Variants in ZMYND8 observed in about 807,000 individuals in gnomAD.
ZMYND8 encodes the protein zinc finger MYND-type containing 8.
In ZMYND8, 37 loss-of-function variants were observed where a neutral mutation model predicts 140.8. That is an observed-to-expected ratio of 0.26 (90% CI 0.20 to 0.35). The LOEUF (loss-of-function observed/expected upper bound fraction) is 0.35, where lower values mean the gene tolerates loss of function less well. Among genes scored for constraint, ZMYND8 ranks in the 10% least tolerant of loss-of-function variants. The pLI is 1.00. For missense variants in ZMYND8, 1,068 were observed against 1,570.0 expected (o/e 0.68, Z 5.40); for synonymous variants, 592 against 597.1 (o/e 0.99, Z 0.12).
chr20:47,298,606 G>A lies in ZMYND8; in HGVS notation c.453+123C>T, dbSNP rs2077800684. 1 of 1,502,532 alleles carries A rather than the reference G, an allele frequency of 6.7e-7. No individual in the cohort carries two copies. The allele number at this position is 1,502,532 out of a possible 1,614,324, so 93.1% of individuals were successfully genotyped here. A position where few individuals can be genotyped will look rare whatever the true frequency, so the allele number is the denominator to read the frequency against. ...AGAAGGGGGTGACCAGGATAGAACA[G>A]GTGGAAAGCAAGAAATTTCTCTTTT... On this transcript the variant is annotated intron_variant, in intron 4 of 22. Coordinates refer to ENST00000471951, the MANE Select transcript of ZMYND8 (RefSeq NM_001281775.3). This position sits in a 1 kb window ranked among gnomAD's most constrained non-coding sequence, Gnocchi z 5.0.
chr20:47,217,252 C>T (rs544320579), intron 21 of ZMYND8, among the ~76,000 whole-genome samples: 13 of 150,414 alleles, frequency 8.6e-5, no homozygotes, highest in African/African-American at 2.0e-4. Flanking sequence ...AGCAGAGCCA[C>T]GCACAAGTGC....
chr20:47,288,386 C>A (rs1601617882), intron 7 of ZMYND8, among the ~76,000 whole-genome samples: 1 of 141,112 alleles, frequency 7.1e-6, no homozygotes. Context: ...AATCTTTACA[C>A]CAATTCTTTT....
intron 11 of ZMYND8, among the ~76,000 whole-genome samples, chr20:47,272,548 G>C (rs2076021526): frequency 6.6e-6 from 1 of 152,132 alleles, no homozygotes; most frequent in Non-Finnish European, 1.5e-5. Flanking sequence ...TGGCCAGGAG[G>C]TCTATATAAA....
intron 2 of ZMYND8, among the ~76,000 whole-genome samples, chr20:47,316,957 C>A (rs1206387129): frequency 6.6e-6 from 1 of 152,054 alleles, no homozygotes; most frequent in Non-Finnish European, 1.5e-5. Flanking sequence ...CAGTGAGGCT[C>A]CGAGGGCCAG....
intron 2 of ZMYND8, among the ~76,000 whole-genome samples, chr20:47,329,582 T>C (rs2080760888): frequency 6.6e-6 from 1 of 152,126 alleles, no homozygotes; most frequent in Non-Finnish European, 1.5e-5. Context: ...TTCTGTATTT[T>C]TAGTAGAGGC....
chr20:47,229,012 A>C (rs1055000924), intron 17 of ZMYND8, among the ~76,000 whole-genome samples: 41 of 151,428 alleles, frequency 2.7e-4, no homozygotes, highest in African/African-American at 9.5e-4. Flanking sequence ...TTTTTTCCTT[A>C]AGAGACAGGG....
intron 14 of ZMYND8, among the ~76,000 whole-genome samples, 190 bp downstream of exon 14, chr20:47,245,815 CCAG>C (rs1238279667): frequency 2.0e-5 from 3 of 152,190 alleles, no homozygotes; most frequent in Non-Finnish European, 4.4e-5. Flanking sequence ...ATGTTTGAGT[CCAG>C]GTCCTGTTCT....
At position 47,313,585 on chromosome 20, in the gene ZMYND8, GCACTC is replaced by G. The variant is rs1408639259; in HGVS notation, c.86-3386_86-3382del. Among the ~76,000 whole-genome samples, 21 of 151,692 alleles carry G rather than the reference GCACTC, an allele frequency of 1.4e-4. 1 individual carries two copies. The South Asian group carries it at 2.7e-3, about 20-fold the overall frequency. ...TGCAGTGAGCCAAGATCGCACCACTGCACTCCAACCTGGGCAACAGAGGGGTGAGA... is the reference window on the plus strand; with the variant it reads ...TGCAGTGAGCCAAGATCGCACCACTGCAACCTGGGCAACAGAGGGGTGAGA... On this transcript the variant is annotated intron_variant, in intron 2 of 22. Transcript: ENST00000471951.
At chr20:47,300,884 T>G (rs900034218) in intron 3 of ZMYND8, among the ~76,000 whole-genome samples, 10 of 130,388 alleles carry the variant, frequency 7.7e-5, no homozygotes, top group East Asian at 4.7e-4. Flanking sequence ...ACAACTAATT[T>G]TGTGTGTGTG....
chr20:47,310,010 G>C, intron 3 of ZMYND8, 46 bp downstream of exon 3: 6 of 1,612,280 alleles, frequency 3.7e-6, no homozygotes, highest in Non-Finnish European at 5.1e-6. Context: ...CTACTAGCTG[G>C]CCTCTGTCCC....
In ZMYND8 at chr20:47,238,882, C is replaced by A. The variant is rs190889041; in HGVS notation, c.2541G>T (p.Thr847=). The change falls in exon 15 of 23, where the codon ACG becomes ACT. Residue 847 remains threonine (T), a synonymous_variant. Transcript: ENST00000471951. The stretch of plus-strand genomic sequence containing the variant: ...TCTGCATGTGCCACTTTTGGGAGGA[C>A]GTTTGAAACTTACTTGATGAGTTCC... ...VVWNSSSKFQ[T]SSQKWHMQKM... 2 of 1,613,818 alleles carry A rather than the reference C, an allele frequency of 1.2e-6. No individual in the cohort carries two copies. Among genetic ancestry groups the A allele is most frequent in the South Asian group, 2.2e-5 (2 of 91,084 alleles).
intron 8 of ZMYND8, among the ~76,000 whole-genome samples, chr20:47,283,972 G>T (rs544259491): frequency 6.6e-6 from 1 of 152,134 alleles, no homozygotes; most frequent in East Asian, 1.9e-4. Context: ...GCCCAGGCTG[G>T]AGTGCAGTGG....
intron 3 of ZMYND8, 32 bp downstream of exon 3, chr20:47,310,024 A>T (rs1200644434): frequency 6.2e-7 from 1 of 1,613,724 alleles, no homozygotes; most frequent in African/African-American, 1.3e-5. Context: ...CTGTCCCACC[A>T]GTGAGGACAC....
intron 2 of ZMYND8, among the ~76,000 whole-genome samples, chr20:47,324,023 A>G (rs2080185709): frequency 6.6e-6 from 1 of 151,648 alleles, no homozygotes; most frequent in African/African-American, 2.4e-5. Flanking sequence ...ACATGGTGAA[A>G]ACCTGTCTCC....
chr20:47,239,259 C>A, intron 14 of ZMYND8, 121 bp from the exon 15 acceptor site: 1 of 1,321,594 alleles, frequency 7.6e-7, no homozygotes, highest in South Asian at 2.0e-5. Flanking sequence ...CGAACCAATT[C>A]GACGTGCCAA....
intron 2 of ZMYND8, among the ~76,000 whole-genome samples, chr20:47,326,616 A>C (rs769113437): frequency 6.6e-6 from 1 of 152,104 alleles, no homozygotes; most frequent in Non-Finnish European, 1.5e-5. Flanking sequence ...ACCTCCGTAG[A>C]TCCTCAGTCT....
intron 10 of ZMYND8, among the ~76,000 whole-genome samples, chr20:47,281,714 T>C (rs1251383584): frequency 6.6e-6 from 1 of 152,196 alleles, no homozygotes; most frequent in Non-Finnish European, 1.5e-5. Context: ...ACTGGCAATC[T>C]AGGAAACTAC....
chr20:47,230,790 A>T (rs921547075), intron 16 of ZMYND8, among the ~76,000 whole-genome samples: 1 of 151,972 alleles, frequency 6.6e-6, no homozygotes, highest in African/African-American at 2.4e-5. Flanking sequence ...CAACATTTTC[A>T]TTACCCCAAA....
At chr20:47,264,373 TTC>T (rs2075359558) in intron 11 of ZMYND8, among the ~76,000 whole-genome samples, 1 of 152,150 alleles carries the variant, frequency 6.6e-6, no homozygotes, top group African/African-American at 2.4e-5. Flanking sequence ...GCCTCCTGGA[TTC>T]AAGCGATTCT....
Sources: gnomAD v4.1 joint callset for allele counts (sites outside exome capture counted in the v4.1 genomes callset) on GRCh38, gnomAD v4.1.1 for gene constraint, Gnocchi (gnomAD v3.1) non-coding constraint, MANE v1.5 for transcripts, NCBI Gene and HGNC (gene_info 2026-07-23, HGNC 2026-07-21) for gene names.